Variants in ZNF609 observed in about 807,000 individuals in gnomAD.
The protein encoded by ZNF609 is zinc finger protein 609.
In ZNF609, 11 loss-of-function variants were observed where a neutral mutation model predicts 109.5. The ratio of observed to expected loss-of-function variants is 0.10; its 90% CI spans 0.06 to 0.17. The LOEUF (loss-of-function observed/expected upper bound fraction) is 0.17. Among genes scored for constraint, ZNF609 ranks in the 10% least tolerant of loss-of-function variants. The pLI is 1.00. For missense variants in ZNF609, 1,559 were observed against 1,772.4 expected, an observed-to-expected ratio of 0.88 and a Z score of 2.16; for synonymous variants, 646 against 662.0, an observed-to-expected ratio of 0.98 and a Z score of 0.37.
Position 64,468,274 on chromosome 15 carries a change from T to C in ZNF609, c.-128+7436T>C, listed in dbSNP as rs562212395. ...CTTTCCTTTCCTTTCTTTTCTTTTC[T>C]TTTCCTTCCTTCCTTCCTTCATTTT... On this transcript the variant is annotated intron_variant, in intron 1 of 9. Transcript: ENST00000326648. Among the ~76,000 whole-genome samples, 3 of 150,120 alleles carry C rather than the reference T, an allele frequency of 2.0e-5. No homozygotes were observed. In the South Asian group the frequency reaches 6.3e-4, roughly 32 times the overall value.
chr15:64,528,535 C>A, intron 2 of ZNF609: 1 of 536,716 alleles, frequency 1.9e-6, no homozygotes, highest in Non-Finnish European at 3.4e-6. Flanking sequence ...CCTCCCTCTC[C>A]AAGGGGTCTG....
Position 64,675,053 on chromosome 15 carries a change from AAAG to A in ZNF609, c.2203_2205del (p.Lys735del). 6.2e-7 allele frequency: 1 copy of A among 1,614,184 alleles called. No homozygotes were observed. The highest frequency in any genetic ancestry group is 8.5e-7 in the Non-Finnish European group (1 of 1,180,036). ...AGGACAAGAAAAAGAAAGACAAAAA[AAAG>A]AAGGAATCTTCAAAGGAACTTGAAA... On this transcript the variant is annotated inframe_deletion, in exon 5 of 10. Coordinates refer to ENST00000326648, the MANE Select transcript of ZNF609 (RefSeq NM_015042.2).
At chr15:64,473,981 G>A (rs1008078762) in intron 1 of ZNF609, among the ~76,000 whole-genome samples, 2 of 151,866 alleles carry the variant, frequency 1.3e-5, no homozygotes, top group African/African-American at 2.4e-5. Flanking sequence ...CACCATCTTG[G>A]CCAGGCTGGT....
chr15:64,650,930 A>C (rs1235736825), intron 3 of ZNF609, among the ~76,000 whole-genome samples: 1 of 152,166 alleles, frequency 6.6e-6, no homozygotes, highest in Non-Finnish European at 1.5e-5. Context: ...AAAGTAATAT[A>C]AAATTATAAA....
At chr15:64,631,370 AT>A (rs1567034628) in intron 3 of ZNF609, 5 of 724,126 alleles carry the variant, frequency 6.9e-6, no homozygotes, top group Non-Finnish European at 1.3e-5. Context: ...GTTTACAACA[AT>A]GCCAACAGCG....
intron 1 of ZNF609, among the ~76,000 whole-genome samples, chr15:64,487,677 G>A (rs916830045): frequency 4.0e-5 from 6 of 151,454 alleles, no homozygotes; most frequent in African/African-American, 1.5e-4. Context: ...CTGTCGCCCC[G>A]GCTGGAGTGC....
At chr15:64,616,700 T>C (rs557706456) in intron 2 of ZNF609, among the ~76,000 whole-genome samples, 116 of 151,294 alleles carry the variant, frequency 7.7e-4, no homozygotes, top group Middle Eastern at 3.4e-3. Context: ...TTTGTATTTC[T>C]AGTAGAGACG....
intron 2 of ZNF609, among the ~76,000 whole-genome samples, chr15:64,588,426 T>TAAA (rs1167575851): frequency 1.7e-4 from 1 of 5,896 alleles, no homozygotes; most frequent in Non-Finnish European, 4.4e-4. Flanking sequence ...ACACTCTGTC[T>TAAA]AAAAAAAAAA....
At chr15:64,556,862 T>G (rs560213468) in intron 2 of ZNF609, among the ~76,000 whole-genome samples, 1 of 152,330 alleles carries the variant, frequency 6.6e-6, no homozygotes, top group East Asian at 1.9e-4. Context: ...TTCAAAATAT[T>G]ATTTATATCC....
At chr15:64,480,385 G>T (rs952731561) in intron 1 of ZNF609, among the ~76,000 whole-genome samples, 2 of 152,110 alleles carry the variant, frequency 1.3e-5, no homozygotes, top group African/African-American at 4.8e-5. Flanking sequence ...ACAAAAATTA[G>T]CTGGGCGTAG....
At chr15:64,509,346 GATT>G (rs974736014) in intron 2 of ZNF609, among the ~76,000 whole-genome samples, 88 of 152,254 alleles carry the variant, frequency 5.8e-4, no homozygotes, top group African/African-American at 1.9e-3. Context: ...TTATTGTGAG[GATT>G]AAATGAGATG....
chr15:64,505,431 T>C (rs910441910), intron 2 of ZNF609, among the ~76,000 whole-genome samples: 2 of 152,234 alleles, frequency 1.3e-5, no homozygotes, highest in Non-Finnish European at 2.9e-5. Context: ...AGAGAAGATA[T>C]ACTGTTGGCT....
At chr15:64,608,697 A>G (rs746240221) in intron 2 of ZNF609, among the ~76,000 whole-genome samples, 1 of 150,632 alleles carries the variant, frequency 6.6e-6, no homozygotes, top group Non-Finnish European at 1.5e-5. Context: ...TTATTTCAAA[A>G]TTGTTATATG....
At chr15:64,660,574 CT>C (rs748782349) in intron 3 of ZNF609, among the ~76,000 whole-genome samples, 5 of 152,172 alleles carry the variant, frequency 3.3e-5, no homozygotes, top group Admixed American at 1.3e-4. Context: ...CTATCTGTCC[CT>C]TACTTTAAAA....
chr15:64,525,738 A>G (rs1174250767), intron 2 of ZNF609, among the ~76,000 whole-genome samples: 1 of 151,622 alleles, frequency 6.6e-6, no homozygotes, highest in Non-Finnish European at 1.5e-5. Flanking sequence ...AACTTCTTTA[A>G]TTTCCATCAA....
chr15:64,575,153 C>T (rs1894928371), intron 2 of ZNF609, among the ~76,000 whole-genome samples: 1 of 152,080 alleles, frequency 6.6e-6, no homozygotes, highest in Non-Finnish European at 1.5e-5. Flanking sequence ...AAACCAAATC[C>T]CGGGGTTTCT....
Position 64,555,062 on chromosome 15 carries a change from C to T in ZNF609, c.747+54896C>T, listed in dbSNP as rs183940699. ...GGTGAGCCAAGATCACGCCATTGCACTCCAACCTGAGCAACAGAACAAGAC... is the reference window on the plus strand; with the variant it reads ...GGTGAGCCAAGATCACGCCATTGCATTCCAACCTGAGCAACAGAACAAGAC... On this transcript the variant is annotated intron_variant, in intron 2 of 9. Transcript: ENST00000326648. 2.0e-4 allele frequency among the ~76,000 whole-genome samples: 30 copies of T among 150,596 alleles called. No individual in the cohort carries two copies. In the East Asian group the frequency reaches 3.1e-3, roughly 16 times the overall value.
At chr15:64,521,443 C>T (rs1435226123) in intron 2 of ZNF609, among the ~76,000 whole-genome samples, 1 of 152,004 alleles carries the variant, frequency 6.6e-6, no homozygotes, top group African/African-American at 2.4e-5. Context: ...TAGGCATTTC[C>T]CTGAGAGGAG....
chr15:64,506,369 C>T (rs556938754), intron 2 of ZNF609, among the ~76,000 whole-genome samples: 173 of 151,188 alleles, frequency 1.1e-3, no homozygotes, highest in African/African-American at 1.5e-3. Flanking sequence ...GTGATCCACC[C>T]GCCTTGGCCT....
Sources: allele counts gnomAD v4.1 joint callset (sites outside exome capture counted in the v4.1 genomes callset), GRCh38; gene constraint gnomAD v4.1.1; transcripts MANE v1.5; gene names NCBI Gene and HGNC (gene_info 2026-07-23, HGNC 2026-07-21).